SIPA1L3: variants seen among roughly 807,000 people sequenced by gnomAD.
The protein encoded by SIPA1L3 is signal induced proliferation associated 1 like 3, also known as signal-induced proliferation-associated 1-like protein 3.
Under a neutral mutation model 150.1 loss-of-function variants are expected in SIPA1L3, and 59 were observed. That is an observed-to-expected ratio of 0.39 (90% CI 0.32 to 0.49). The LOEUF is 0.49. Among genes scored for constraint, SIPA1L3 ranks in the 20% least tolerant of loss-of-function variants. The pLI is 0.86. For synonymous variants in SIPA1L3, 1,070 were observed against 1,077.6 expected (o/e 0.99, Z 0.14); for missense variants, 2,211 against 2,489.5 (o/e 0.89, Z 2.38).
intron 1 of SIPA1L3, among the ~76,000 whole-genome samples, chr19:37,969,508 T>C (rs2046934783): frequency 2.0e-5 from 3 of 151,878 alleles, no homozygotes; most frequent in Admixed American, 2.0e-4. Flanking sequence ...GCTGAGATTG[T>C]GCCACTGCAC....
intron 16 of SIPA1L3, chr19:38,186,093 C>T (rs1972672750): frequency 6.6e-6 from 1 of 152,234 alleles, no homozygotes; most frequent in Non-Finnish European, 1.5e-5. Flanking sequence ...TCCTGAACCT[C>T]ACCCAGACCA....
chr19:38,003,351 C>T (rs1414335048), intron 1 of SIPA1L3, among the ~76,000 whole-genome samples: 1 of 152,138 alleles, frequency 6.6e-6, no homozygotes, highest in African/African-American at 2.4e-5. Flanking sequence ...ATTTTTCAAG[C>T]TGTAGTACAG....
In SIPA1L3 at chr19:37,953,149, G is replaced by A. The variant is rs552019852; in HGVS notation, c.-379+45791G>A. Among the ~76,000 whole-genome samples the A allele has an allele frequency of 3.9e-5, 6 of 152,270 alleles. No individual in the cohort carries two copies. In the South Asian group the frequency reaches 8.3e-4, roughly 21 times the overall value. On this transcript the variant is annotated intron_variant, in intron 1 of 21. Coordinates refer to ENST00000222345, the MANE Select transcript of SIPA1L3 (RefSeq NM_015073.3). ...TGAGGCAGGAGAATGGCGTGAACCC[G>A]CATTCTCAGCTTACAATCCTATCCA...
chr19:37,985,584 G>C (rs927705315), intron 1 of SIPA1L3, among the ~76,000 whole-genome samples: 1 of 152,104 alleles, frequency 6.6e-6, no homozygotes, highest in Non-Finnish European at 1.5e-5. Context: ...ATGAGGAAGG[G>C]GTCTGTCCGA....
intron 1 of SIPA1L3, among the ~76,000 whole-genome samples, chr19:37,923,514 G>T (rs62112282): frequency 0.046 from 7,016 of 152,208 alleles, 198 homozygotes; most frequent in East Asian, 0.11. Context: ...AGGTGCACCT[G>T]TACAGGGCAC....
chr19:38,123,763 C>T (rs985868312), intron 9 of SIPA1L3, among the ~76,000 whole-genome samples: 5 of 152,060 alleles, frequency 3.3e-5, no homozygotes, highest in African/African-American at 1.2e-4. Context: ...ATGGCCCGTT[C>T]TCAATGAGCT....
chr19:38,017,623 C>T (rs1053862446), intron 1 of SIPA1L3, among the ~76,000 whole-genome samples: 2 of 151,268 alleles, frequency 1.3e-5, no homozygotes, highest in Admixed American at 6.6e-5. Context: ...CTCCTGGGCT[C>T]GAGTGATCCT....
intron 2 of SIPA1L3, among the ~76,000 whole-genome samples, chr19:38,070,386 T>G: frequency 6.6e-6 from 1 of 152,134 alleles, no homozygotes; most frequent in South Asian, 2.1e-4. Flanking sequence ...TTTTATGACC[T>G]TTACAATGCT....
At chr19:38,071,605 A>G (rs528402336) in intron 2 of SIPA1L3, among the ~76,000 whole-genome samples, 7 of 152,144 alleles carry the variant, frequency 4.6e-5, no homozygotes, top group Non-Finnish European at 1.0e-4. Flanking sequence ...TTATTTAGAA[A>G]AGAATTTTTT....
intron 4 of SIPA1L3, among the ~76,000 whole-genome samples, chr19:38,093,955 G>A (rs1970320425): frequency 1.3e-5 from 2 of 152,324 alleles, no homozygotes; most frequent in South Asian, 4.1e-4. Flanking sequence ...GGGACAGAGT[G>A]GGGATGGCAA....
At chr19:37,925,615 G>C (rs1360411876) in intron 1 of SIPA1L3, among the ~76,000 whole-genome samples, 1 of 109,510 alleles carries the variant, frequency 9.1e-6, no homozygotes, top group African/African-American at 3.3e-5. Context: ...TTTTTTTTGA[G>C]ACGGAGTCTC....
intron 1 of SIPA1L3, among the ~76,000 whole-genome samples, chr19:37,938,658 T>C (rs2046624179): frequency 1.3e-5 from 2 of 151,100 alleles, no homozygotes; most frequent in African/African-American, 4.9e-5. Flanking sequence ...AGTTTTACTC[T>C]TGTCACCCAG....
chr19:38,205,013 G>T (rs1480453080), intron 21 of SIPA1L3, among the ~76,000 whole-genome samples: 1 of 152,172 alleles, frequency 6.6e-6, no homozygotes, highest in African/African-American at 2.4e-5. Flanking sequence ...ACACGCAAAA[G>T]AAGTCCAGTA....
At chr19:38,165,615 A>G (rs1391749883) in intron 15 of SIPA1L3, among the ~76,000 whole-genome samples, 27 of 152,146 alleles carry the variant, frequency 1.8e-4, no homozygotes, top group Admixed American at 1.8e-3. Flanking sequence ...AGGTCTGGAA[A>G]GTTGTAGTTT....
intron 1 of SIPA1L3, among the ~76,000 whole-genome samples, chr19:38,012,087 GTC>G (rs911825618): frequency 8.1e-5 from 12 of 147,922 alleles, no homozygotes; most frequent in Non-Finnish European, 1.8e-4. Flanking sequence ...GCTGGGCTGT[GTC>G]TTTTTTTTTT....
At chr19:38,049,196 T>C (rs1969130181) in intron 2 of SIPA1L3, among the ~76,000 whole-genome samples, 1 of 152,212 alleles carries the variant, frequency 6.6e-6, no homozygotes, top group African/African-American at 2.4e-5. Flanking sequence ...GGAAGGTTTT[T>C]GTTTCTCTTT....
intron 9 of SIPA1L3, among the ~76,000 whole-genome samples, chr19:38,126,535 A>T (rs1971176528): frequency 6.6e-6 from 1 of 150,850 alleles, no homozygotes; most frequent in Admixed American, 6.6e-5. Flanking sequence ...GAGGCCCAAG[A>T]CAATTCTTTT....
chr19:38,083,720 G>A (rs1234916348), intron 3 of SIPA1L3, among the ~76,000 whole-genome samples: 1 of 152,204 alleles, frequency 6.6e-6, no homozygotes, highest in Non-Finnish European at 1.5e-5. Flanking sequence ...GCCCGGCGCA[G>A]TGGCTCACGC....
chr19:38,197,182 C>G (rs891969866), intron 18 of SIPA1L3, among the ~76,000 whole-genome samples: 1 of 152,124 alleles, frequency 6.6e-6, no homozygotes, highest in Non-Finnish European at 1.5e-5. Flanking sequence ...TGGCCCTGCA[C>G]AGAGGAGGTG....
Sources: gnomAD v4.1 joint callset for allele counts (sites outside exome capture counted in the v4.1 genomes callset) on GRCh38, gnomAD v4.1.1 for gene constraint, MANE v1.5 for transcripts, NCBI Gene and HGNC (gene_info 2026-07-23, HGNC 2026-07-21) for gene names.